NCOA7: variants seen among roughly 807,000 people sequenced by gnomAD.
The protein encoded by NCOA7 is 140 kDa estrogen receptor-associated protein.
NCOA7 carries 45 observed loss-of-function variants against 104.3 expected under a neutral mutation model. That is an observed-to-expected ratio of 0.43 (90% CI 0.34 to 0.55). The LOEUF (loss-of-function observed/expected upper bound fraction) is 0.55. Among genes scored for constraint, NCOA7 ranks in the 20% least tolerant of loss-of-function variants. NCOA7 has a pLI of 0.02. For missense variants in NCOA7, 1,041 were observed against 1,119.7 expected, an observed-to-expected ratio of 0.93 and a Z score of 1.00; for synonymous variants, 398 against 402.3, an observed-to-expected ratio of 0.99 and a Z score of 0.13.
chr6:125,795,256 C>T (rs1457099919), intron 1 of NCOA7, among the ~76,000 whole-genome samples: 1 of 152,156 alleles, frequency 6.6e-6, no homozygotes, highest in Non-Finnish European at 1.5e-5. Flanking sequence ...CAACTTAAAA[C>T]ATAAGAGGGG....
At chr6:125,859,522 A>G (rs1038288696) in intron 3 of NCOA7, among the ~76,000 whole-genome samples, 4 of 152,256 alleles carry the variant, frequency 2.6e-5, no homozygotes, top group Non-Finnish European at 5.9e-5. Context: ...ATATGTAACA[A>G]TATGTTGATA....
chr6:125,852,352 T>C (rs1361408367), intron 2 of NCOA7, among the ~76,000 whole-genome samples: 1 of 151,996 alleles, frequency 6.6e-6, no homozygotes, highest in Non-Finnish European at 1.5e-5. Context: ...CGTGCCACCA[T>C]GTCTGGCTAA....
At chr6:125,785,053 C>T (rs1363552712) in intron 1 of NCOA7, among the ~76,000 whole-genome samples, 1 of 151,898 alleles carries the variant, frequency 6.6e-6, no homozygotes, top group Non-Finnish European at 1.5e-5. Context: ...ACTGGTGAAA[C>T]CTGGCTGGAT....
rs111900872 is a variant in NCOA7 at position 125,918,814 on chromosome 6, G to A, written c.2245-2129G>A. Among the ~76,000 whole-genome samples the A allele has an allele frequency of 5.0e-3, 762 of 152,170 alleles. 6 individuals carry two copies. Among genetic ancestry groups the A allele is most frequent in the African/African-American group, 0.017 (714 of 41,498 alleles). On this transcript the variant is annotated intron_variant, in intron 11 of 15. Coordinates refer to ENST00000392477, the MANE Select transcript of NCOA7 (RefSeq NM_181782.5). ...TGACATAGTATTGAAGTGAAATGCC[G>A]TTTGTTCTAACTGTAATGAAGCCTA...
chr6:125,878,120 C>T (rs1008974151), intron 4 of NCOA7, 143 bp from the exon 5 acceptor site: 2 of 439,284 alleles, frequency 4.6e-6, no homozygotes, highest in Non-Finnish European at 7.9e-6. Flanking sequence ...TAAGAATTGA[C>T]AATGTATTCA....
intron 10 of NCOA7, among the ~76,000 whole-genome samples, chr6:125,893,417 C>G (rs1168764684): frequency 6.6e-6 from 1 of 152,210 alleles, no homozygotes; most frequent in African/African-American, 2.4e-5. Flanking sequence ...ATATGTTTCA[C>G]TGTTCTCTCT....
At chr6:125,885,413 G>A (rs1437309140) in intron 8 of NCOA7, 70 bp downstream of exon 8, 2 of 1,480,338 alleles carry the variant, frequency 1.4e-6, no homozygotes, top group Admixed American at 1.8e-5. Context: ...AAAAATGAGG[G>A]CATTTGCATG....
intron 10 of NCOA7, among the ~76,000 whole-genome samples, chr6:125,906,636 A>C (rs1583513930): frequency 1.3e-5 from 2 of 152,168 alleles, no homozygotes; most frequent in East Asian, 3.8e-4. Context: ...GAGAGATCCT[A>C]AAGTATATGA....
At chr6:125,911,453 C>T (rs1033726825) in intron 10 of NCOA7, among the ~76,000 whole-genome samples, 1 of 152,204 alleles carries the variant, frequency 6.6e-6, no homozygotes, top group Non-Finnish European at 1.5e-5. Context: ...AAGGCACTTG[C>T]AGGCTGTGCA....
intron 2 of NCOA7, among the ~76,000 whole-genome samples, chr6:125,825,444 G>GT (rs1255507323): frequency 1.3e-5 from 2 of 152,182 alleles, no homozygotes; most frequent in Non-Finnish European, 2.9e-5. Flanking sequence ...TTTGAGTGAA[G>GT]TTATTAATCA....
chr6:125,795,325 A>G (rs145245972), intron 1 of NCOA7, among the ~76,000 whole-genome samples: 142 of 152,274 alleles, frequency 9.3e-4, no homozygotes, highest in African/African-American at 3.3e-3. Context: ...GATAACCTTC[A>G]TGTCTTTTTT....
At chr6:125,803,893 C>T (rs754881223) in intron 1 of NCOA7, among the ~76,000 whole-genome samples, 1 of 152,082 alleles carries the variant, frequency 6.6e-6, no homozygotes, top group Non-Finnish European at 1.5e-5. Flanking sequence ...CAAAGTAGCC[C>T]CCAACAAATA....
At chr6:125,847,218 T>G (rs1187906124) in intron 2 of NCOA7, among the ~76,000 whole-genome samples, 1 of 152,212 alleles carries the variant, frequency 6.6e-6, no homozygotes, top group African/African-American at 2.4e-5. Context: ...ATCTTTAGCC[T>G]TCTCTCTAAT....
chr6:125,878,161 A>G, intron 4 of NCOA7, 102 bp from the exon 5 acceptor site: 2 of 591,128 alleles, frequency 3.4e-6, no homozygotes, highest in Non-Finnish European at 5.7e-6. Flanking sequence ...TGATGGAACT[A>G]TTAGTTTGTT....
intron 8 of NCOA7, among the ~76,000 whole-genome samples, chr6:125,888,116 A>G (rs561476770): frequency 6.6e-6 from 1 of 152,152 alleles, no homozygotes; most frequent in Non-Finnish European, 1.5e-5. Flanking sequence ...GAAGTAAAGC[A>G]TCTGTTATTA....
rs149399962 is a variant in NCOA7, at chr6:125,885,296, G to A, written c.837G>A (p.Ala279=). Residue 279 remains alanine (A), a synonymous_variant, in exon 8 of 16, where the codon GCG becomes GCA. Coordinates refer to ENST00000392477, the MANE Select transcript of NCOA7 (RefSeq NM_181782.5). ...ICPMEEVVSI[A]LYNDISHMKI... is the part of the protein sequence containing the mutation. ...CCATGGAAGAGGTTGTTTCCATTGC[G>A]CTCTACAATGACATTTCTCACATGA... is the stretch of plus-strand genomic sequence containing the variant. 3.3e-5 allele frequency: 54 copies of A among 1,613,970 alleles called. No homozygotes were observed. Among genetic ancestry groups the A allele is most frequent in the South Asian group, 4.4e-5 (4 of 91,080 alleles).
chr6:125,811,970 G>A (rs1304513228), intron 1 of NCOA7, among the ~76,000 whole-genome samples: 1 of 152,218 alleles, frequency 6.6e-6, no homozygotes. Context: ...GTGTATACCA[G>A]ACTGGATTTA....
At chr6:125,917,534 G>A (rs1296666804) in intron 11 of NCOA7, among the ~76,000 whole-genome samples, 5 of 152,162 alleles carry the variant, frequency 3.3e-5, no homozygotes, top group South Asian at 4.1e-4. Flanking sequence ...TCCTTTGAGT[G>A]TCTGCTGTAG....
intron 10 of NCOA7, among the ~76,000 whole-genome samples, chr6:125,914,518 A>G (rs1399225796): frequency 6.6e-6 from 1 of 152,230 alleles, no homozygotes; most frequent in African/African-American, 2.4e-5. Context: ...ATAAATTTTA[A>G]AAATCATAAG....
Sources: allele counts gnomAD v4.1 joint callset (sites outside exome capture counted in the v4.1 genomes callset), GRCh38; gene constraint gnomAD v4.1.1; transcripts MANE v1.5; gene names NCBI Gene and HGNC (gene_info 2026-07-23, HGNC 2026-07-21).